Variants in FIP1L1 observed in about 807,000 individuals in gnomAD.
FIP1L1 encodes the protein pre-mRNA 3'-end-processing factor FIP1.
Under a neutral mutation model 84.6 loss-of-function variants are expected in FIP1L1, and 21 were observed. The ratio of observed to expected loss-of-function variants is 0.25; its 90% confidence interval spans 0.18 to 0.36. FIP1L1 has a LOEUF of 0.36. FIP1L1 is among the 10% of genes least tolerant of loss of function. FIP1L1 has a pLI of 1.00. For missense variants in FIP1L1, 526 were observed against 751.1 expected (o/e 0.70, Z 3.50); for synonymous variants, 263 against 242.3 (o/e 1.09, Z -0.80).
chr4:53,454,290 A>C (rs1717748195), intron 16 of FIP1L1, among the ~76,000 whole-genome samples: 1 of 152,216 alleles, frequency 6.6e-6, no homozygotes, highest in South Asian at 2.1e-4. Flanking sequence ...GAAGCCCAGG[A>C]GCAATAGGCT....
chr4:53,424,222 G>A (rs1326077779), intron 11 of FIP1L1, among the ~76,000 whole-genome samples: 2 of 152,108 alleles, frequency 1.3e-5, no homozygotes, highest in Non-Finnish European at 2.9e-5. Context: ...GCCTCAGAAT[G>A]CACACCTGTA....
chr4:53,378,990 C>A, intron 1 of FIP1L1, 83 bp from the exon 2 acceptor site: 1 of 1,324,430 alleles, frequency 7.6e-7, no homozygotes, highest in Non-Finnish European at 1.1e-6. Context: ...ATTTTTATAG[C>A]AGTAAAGTCT....
intron 15 of FIP1L1, among the ~76,000 whole-genome samples, chr4:53,447,763 C>G (rs1370300037): frequency 6.6e-6 from 1 of 152,000 alleles, no homozygotes; most frequent in Non-Finnish European, 1.5e-5. Context: ...GGGATGGAAA[C>G]CTAGTCTAAA....
chr4:53,416,630 A>G (rs1450164438), intron 11 of FIP1L1, among the ~76,000 whole-genome samples: 2 of 152,196 alleles, frequency 1.3e-5, no homozygotes, highest in African/African-American at 2.4e-5. Context: ...TGTAGTACCA[A>G]TAGTTCAGGC....
chr4:53,458,762 G>C lies in FIP1L1; in HGVS notation c.1609G>C (p.Glu537Gln). The C allele has an allele frequency of 6.2e-7, 1 of 1,612,722 alleles. No homozygotes were observed. Among genetic ancestry groups the C allele is most frequent in the Non-Finnish European group, 8.5e-7 (1 of 1,179,188 alleles). The change falls in exon 17 of 18, where the codon GAG (glutamate) becomes CAG (glutamine). Residue 537 changes from glutamate to glutamine, a missense_variant. Glu to Gln is a conservative substitution (Grantham distance 29, BLOSUM62 2). Coordinates refer to ENST00000337488, the MANE Select transcript of FIP1L1 (RefSeq NM_030917.4). ...TAGAGAAAGACGACACAGGGAGAAA[G>C]AGGAAACCAGACATAAGTCTTCTCG... ...RHRERRHREK[E>Q]ETRHKSSRSN...
Position 53,417,629 on chromosome 4 carries a change from C to T in FIP1L1, c.923+2907C>T, listed in dbSNP as rs184807082. Among the ~76,000 whole-genome samples, 491 of 30,410 alleles carry T rather than the reference C, an allele frequency of 0.016. 4 individuals carry two copies. The Middle Eastern group carries it at 0.17, about 11-fold the overall frequency. The allele number at this position is 30,410 out of a possible 152,430, so 20.0% of individuals were successfully genotyped here. On this transcript the variant is annotated intron_variant, in intron 11 of 17. Coordinates refer to ENST00000337488, the MANE Select transcript of FIP1L1 (RefSeq NM_030917.4). ...TGCACTCCAGCCTAGGCAACAACAG[C>T]AAAACTCCTTCTCAAAAAAAAAAAA...
chr4:53,391,606 C>G, intron 9 of FIP1L1, 108 bp downstream of exon 9: 4 of 749,436 alleles, frequency 5.3e-6, no homozygotes, highest in Non-Finnish European at 6.7e-6. Context: ...TACCTTTTTT[C>G]CAAACCTTCA....
chr4:53,397,801 C>T (rs1748194150), intron 9 of FIP1L1, among the ~76,000 whole-genome samples: 1 of 151,978 alleles, frequency 6.6e-6, no homozygotes, highest in Non-Finnish European at 1.5e-5. Context: ...TTCTTTTTTT[C>T]CTTGAGCAGC....
At chr4:53,402,908 C>T (rs532415755) in intron 10 of FIP1L1, among the ~76,000 whole-genome samples, 2 of 152,206 alleles carry the variant, frequency 1.3e-5, no homozygotes, top group East Asian at 3.9e-4. Context: ...GGATACAGGG[C>T]ACCAGTGCAG....
At chr4:53,442,248 A>G (rs1449806059) in intron 13 of FIP1L1, 1 of 156,082 alleles carries the variant, frequency 6.4e-6, no homozygotes, top group Non-Finnish European at 1.4e-5. Context: ...CTATACTTCT[A>G]AAACTCGAAA....
At position 53,377,657 on chromosome 4, in the gene FIP1L1, A is replaced by T; in HGVS notation, c.-182A>T. 1.9e-6 allele frequency: 1 copy of T among 533,704 alleles called. No homozygotes were observed. Among genetic ancestry groups the T allele is most frequent in the Non-Finnish European group, 3.2e-6 (1 of 312,548 alleles). The allele number at this position is 533,704 out of a possible 1,614,324, so 33.1% of individuals were successfully genotyped here. On this transcript the variant is annotated 5_prime_UTR_variant, in exon 1 of 18. Coordinates refer to ENST00000337488, the MANE Select transcript of FIP1L1 (RefSeq NM_030917.4). The stretch of plus-strand genomic sequence containing the variant: ...GGGTCTCCTGCGCATGCGCAGACGG[A>T]CCTGCGCTGGAGGCTTCATCTTTGC...
chr4:53,430,025 G>A (rs1765875914), intron 13 of FIP1L1, among the ~76,000 whole-genome samples: 1 of 152,120 alleles, frequency 6.6e-6, no homozygotes, highest in East Asian at 1.9e-4. Flanking sequence ...GCGAGATTGT[G>A]CAGTAATTGT....
chr4:53,382,354 A>C lies in FIP1L1; in HGVS notation c.228+19A>C, dbSNP rs1168034883. 1.3e-6 allele frequency: 2 copies of C among 1,598,542 alleles called. No homozygotes were observed. The highest frequency in any genetic ancestry group is 3.3e-5 in the Admixed American group (2 of 59,924). On this transcript the variant is annotated intron_variant, in intron 4 of 17. Transcript: ENST00000337488. Reference sequence around the variant, plus strand: ...AAAACCGGTAACATAAGGCTTTGAAATCCAGTTACTGATACAAATCTTTAT... The same window carrying C: ...AAAACCGGTAACATAAGGCTTTGAACTCCAGTTACTGATACAAATCTTTAT...
intron 11 of FIP1L1, among the ~76,000 whole-genome samples, chr4:53,416,145 T>G (rs540707214): frequency 1.3e-5 from 2 of 152,320 alleles, no homozygotes; most frequent in African/African-American, 4.8e-5. Flanking sequence ...ACCTAAAAGT[T>G]CATAATTGTA....
intron 11 of FIP1L1, among the ~76,000 whole-genome samples, chr4:53,418,277 G>C (rs1471660948): frequency 6.9e-6 from 1 of 145,098 alleles, no homozygotes; most frequent in South Asian, 2.2e-4. Flanking sequence ...GCCCAACCTG[G>C]TCTCTAAATA....
At position 53,412,264 on chromosome 4, in the gene FIP1L1, A is replaced by G. The variant is rs533479452; in HGVS notation, c.816-2351A>G. Among the ~76,000 whole-genome samples, 11 of 152,224 alleles carry G rather than the reference A, an allele frequency of 7.2e-5. No homozygotes were observed. In the South Asian group the frequency reaches 2.3e-3, roughly 32 times the overall value. ...AAGCATGTATTTCCTCAGAACGAGG[A>G]CATTCTGTTAGATAATCATACGGCA... On this transcript the variant is annotated intron_variant, in intron 10 of 17. Coordinates refer to ENST00000337488, the MANE Select transcript of FIP1L1 (RefSeq NM_030917.4).
intron 11 of FIP1L1, among the ~76,000 whole-genome samples, chr4:53,420,209 A>ACAAAAAAAAAAAC (rs762465466): frequency 4.3e-5 from 6 of 141,038 alleles, no homozygotes; most frequent in African/African-American, 1.7e-4. Flanking sequence ...AAAAAAAAAA[A>ACAAAAAAAAAAAC]AAAAAAAAAA....
intron 15 of FIP1L1, among the ~76,000 whole-genome samples, chr4:53,444,953 G>T (rs901086752): frequency 2.6e-5 from 4 of 152,158 alleles, no homozygotes; most frequent in Admixed American, 1.3e-4. Context: ...AGATAGCTGG[G>T]TGACAGGAGT....
In FIP1L1 at chr4:53,447,988, A is replaced by G. The variant is rs137862131; in HGVS notation, c.1285+3885A>G. Among the ~76,000 whole-genome samples, 11 of 152,178 alleles carry G rather than the reference A, an allele frequency of 7.2e-5. No homozygotes were observed. The East Asian group carries it at 1.2e-3, about 16-fold the overall frequency. On this transcript the variant is annotated intron_variant, in intron 15 of 17. Coordinates refer to ENST00000337488, the MANE Select transcript of FIP1L1 (RefSeq NM_030917.4). ...GTATTTTGGATTTTCAGATTAGGAA[A>G]TCTCAACCTGTACCATTGTTTTTCC...
Sources: allele counts gnomAD v4.1 joint callset (sites outside exome capture counted in the v4.1 genomes callset), GRCh38; gene constraint gnomAD v4.1.1; transcripts MANE v1.5; gene names NCBI Gene and HGNC (gene_info 2026-07-23, HGNC 2026-07-21).